Variants in FAF1 observed in about 807,000 individuals in gnomAD.
The protein encoded by FAF1 is FAS-associated factor 1.
Under a neutral mutation model 92.5 loss-of-function variants are expected in FAF1, and 25 were observed. The ratio of observed to expected loss-of-function variants is 0.27; its 90% CI spans 0.20 to 0.38. The LOEUF (loss-of-function observed/expected upper bound fraction) is 0.38. Among genes scored for constraint, FAF1 ranks in the 10% least tolerant of loss-of-function variants. The pLI, the probability that FAF1 is intolerant of heterozygous loss-of-function variation, is 1.00. For missense variants in FAF1, 636 were observed against 793.3 expected (o/e 0.80, Z 2.38); for synonymous variants, 234 against 273.2 (o/e 0.86, Z 1.42).
At chr1:50,822,804 C>T (rs1388384958) in intron 2 of FAF1, among the ~76,000 whole-genome samples, 25 of 112,194 alleles carry the variant, frequency 2.2e-4, no homozygotes, top group Non-Finnish European at 4.3e-4. Flanking sequence ...GACGCAGTTT[C>T]GCTCTTGTTG....
intron 18 of FAF1, among the ~76,000 whole-genome samples, chr1:50,442,868 C>A (rs1177969330): frequency 2.0e-5 from 3 of 152,172 alleles, no homozygotes; most frequent in African/African-American, 7.2e-5. Flanking sequence ...CCCCTGGAAT[C>A]CTCTCCGCTT....
intron 13 of FAF1, among the ~76,000 whole-genome samples, chr1:50,558,410 T>G (rs1001595998): frequency 6.6e-6 from 1 of 152,046 alleles, no homozygotes; most frequent in Non-Finnish European, 1.5e-5. Context: ...GGTTACAGAA[T>G]GGGGAAGGAT....
At chr1:50,613,532 AAG>A (rs1194191747) in intron 8 of FAF1, among the ~76,000 whole-genome samples, 3 of 152,186 alleles carry the variant, frequency 2.0e-5, no homozygotes, top group Non-Finnish European at 4.4e-5. Context: ...TCTACGTTGT[AAG>A]ACATGATTGC....
intron 8 of FAF1, among the ~76,000 whole-genome samples, chr1:50,637,681 A>ATGTGTGTGTGTGTGTGTG (rs142201244): frequency 1.0e-4 from 14 of 137,098 alleles, no homozygotes; most frequent in Admixed American, 3.0e-4. Context: ...ACATATATAT[A>ATGTGTGTGTGTGTGTGTG]TGTGTGTGTG....
chr1:50,649,768 C>T (rs1421507915), intron 8 of FAF1, among the ~76,000 whole-genome samples: 4 of 141,456 alleles, frequency 2.8e-5, no homozygotes, highest in South Asian at 2.2e-4. Context: ...TATGAAACCG[C>T]GTCTCTACTA....
chr1:50,466,101 A>C (rs1646491755), intron 18 of FAF1, among the ~76,000 whole-genome samples: 1 of 152,214 alleles, frequency 6.6e-6, no homozygotes, highest in Non-Finnish European at 1.5e-5. Flanking sequence ...ATGGAGGCAG[A>C]GGCCAGTAGG....
chr1:50,567,374 A>G (rs1650221365), intron 12 of FAF1, 143 bp from the exon 13 acceptor site: 1 of 532,628 alleles, frequency 1.9e-6, no homozygotes, highest in Non-Finnish European at 3.1e-6. Flanking sequence ...TACATTTTGG[A>G]GTTCCTAAAG....
chr1:50,571,489 AGCT>A (rs1361577974), intron 12 of FAF1, among the ~76,000 whole-genome samples: 1 of 152,256 alleles, frequency 6.6e-6, no homozygotes, highest in Admixed American at 6.5e-5. Context: ...AATGAAAGGT[AGCT>A]GTTAGGATGA....
At chr1:50,827,290 ATTC>A (rs905345865) in intron 2 of FAF1, among the ~76,000 whole-genome samples, 1 of 152,224 alleles carries the variant, frequency 6.6e-6, no homozygotes, top group Non-Finnish European at 1.5e-5. Flanking sequence ...ACTAAGAAAA[ATTC>A]TTCTGCCTTG....
intron 18 of FAF1, among the ~76,000 whole-genome samples, chr1:50,444,644 C>T (rs1210073897): frequency 6.6e-6 from 1 of 152,188 alleles, no homozygotes; most frequent in Non-Finnish European, 1.5e-5. Context: ...CAGTCATCAT[C>T]ATAGCAGCAA....
chr1:50,729,378 T>C (rs1658824805), intron 6 of FAF1, among the ~76,000 whole-genome samples: 1 of 150,726 alleles, frequency 6.6e-6, no homozygotes, highest in African/African-American at 2.4e-5. Context: ...TTATTATCTA[T>C]GGTCACAAGT....
At position 50,607,850 on chromosome 1, in the gene FAF1, C is replaced by T. The variant is rs74080025; in HGVS notation, c.745-11634G>A. ...GGAGACCCAGAATCCCAGGTGGGAA[C>T]TGAGTAGACAGAGGCAATGTGGATG... On this transcript the variant is annotated intron_variant, in intron 8 of 18. Coordinates refer to ENST00000396153, the MANE Select transcript of FAF1 (RefSeq NM_007051.3). Among the ~76,000 whole-genome samples the T allele has an allele frequency of 5.6e-3, 860 of 152,298 alleles. 10 individuals carry two copies. The highest frequency in any genetic ancestry group is 0.02 in the African/African-American group (814 of 41,558).
rs577755824 is a variant in FAF1 at position 50,890,382 on chromosome 1, G to A, written c.46-32385C>T. Among the ~76,000 whole-genome samples the A allele has an allele frequency of 7.5e-3, 1,135 of 152,270 alleles. 11 individuals carry two copies. The highest frequency in any genetic ancestry group is 8.3e-3 in the Non-Finnish European group (568 of 68,024). On this transcript the variant is annotated intron_variant, in intron 1 of 18. Transcript: ENST00000396153. ...TTACATTTAAGGTTAATATTGTTATGTGTGAATTTGATCCTGTCATTATGA... is the reference window on the plus strand; with the variant it reads ...TTACATTTAAGGTTAATATTGTTATATGTGAATTTGATCCTGTCATTATGA...
At position 50,583,964 on chromosome 1, in the gene FAF1, G is replaced by A. The variant is rs1289298406; in HGVS notation, c.968-249C>T. On this transcript the variant is annotated intron_variant, in intron 10 of 18. Coordinates refer to ENST00000396153, the MANE Select transcript of FAF1 (RefSeq NM_007051.3). The surrounding 1 kb of genome is among the most constrained non-coding windows in gnomAD (Gnocchi z 4.2). ...GCTCATAAATTTTGAAAAACCAATG[G>A]ACACAATCCTGCTAAGCATTTAAAA... is the stretch of plus-strand genomic sequence containing the variant. Among the ~76,000 whole-genome samples, 1 of 151,918 alleles carries A rather than the reference G, an allele frequency of 6.6e-6. No individual in the cohort carries two copies. Among genetic ancestry groups the A allele is most frequent in the Non-Finnish European group, 1.5e-5 (1 of 67,902 alleles).
intron 2 of FAF1, among the ~76,000 whole-genome samples, chr1:50,833,120 A>T (rs1644169478): frequency 6.6e-6 from 1 of 152,036 alleles, no homozygotes; most frequent in African/African-American, 2.4e-5. Flanking sequence ...TCTGACACTA[A>T]CTACCCAGAG....
In FAF1 at chr1:50,583,350, G is replaced by T. The variant is rs1228206124; in HGVS notation, c.1031+302C>A. Among the ~76,000 whole-genome samples, 5 of 151,680 alleles carry T rather than the reference G, an allele frequency of 3.3e-5. No individual in the cohort carries two copies. The highest frequency in any genetic ancestry group is 7.4e-5 in the Non-Finnish European group (5 of 67,806). ...AGGATTTTCCATTTGACTGTCCTAA[G>T]ATATACTAAAAATTACTATCCTATA... On this transcript the variant is annotated intron_variant, in intron 11 of 18. Coordinates refer to ENST00000396153, the MANE Select transcript of FAF1 (RefSeq NM_007051.3). The surrounding 1 kb of genome is among the most constrained non-coding windows in gnomAD (Gnocchi z 4.2).
chr1:50,813,809 TA>T lies in FAF1; in HGVS notation c.115-12133del, dbSNP rs879767199. Among the ~76,000 whole-genome samples, 808 of 144,266 alleles carry T rather than the reference TA, an allele frequency of 5.6e-3. 7 individuals are homozygous for T. The highest frequency in any genetic ancestry group is 0.013 in the African/African-American group (503 of 39,584). 94.6% of individuals were successfully genotyped at this position (144,266 alleles called of 152,430 possible). ...CTCAGAATAAATCCACAGCTTCATT[TA>T]AAAAAAAAAAATGACCTAGCAATTC... On this transcript the variant is annotated intron_variant, in intron 2 of 18. Transcript: ENST00000396153.
At chr1:50,547,099 C>T (rs986306845) in intron 13 of FAF1, among the ~76,000 whole-genome samples, 1 of 151,640 alleles carries the variant, frequency 6.6e-6, no homozygotes, top group Non-Finnish European at 1.5e-5. Flanking sequence ...CACTGCATTG[C>T]TCAGGCTGGT....
chr1:50,703,690 A>G (rs1321260013), intron 7 of FAF1, among the ~76,000 whole-genome samples: 1 of 152,200 alleles, frequency 6.6e-6, no homozygotes, highest in Admixed American at 6.5e-5. Flanking sequence ...TTTTAAAATG[A>G]CATTTAGAAA....
Sources: allele counts gnomAD v4.1 joint callset (sites outside exome capture counted in the v4.1 genomes callset), GRCh38; gene constraint gnomAD v4.1.1; non-coding constraint Gnocchi (gnomAD v3.1); transcripts MANE v1.5; gene names NCBI Gene and HGNC (gene_info 2026-07-23, HGNC 2026-07-21).